Variants in TNR observed in about 807,000 individuals in gnomAD.
TNR encodes the protein tenascin-R.
A neutral mutation model predicts 150.4 loss-of-function variants in TNR; 45 were observed. The ratio of observed to expected loss-of-function variants is 0.30; its 90% CI spans 0.24 to 0.38. The LOEUF (loss-of-function observed/expected upper bound fraction) is 0.38. Ranked by LOEUF, TNR falls within the 10% of genes least tolerant of loss-of-function variation. The pLI is 1.00. For missense variants in TNR, 1,544 were observed against 1,759.1 expected (o/e 0.88, Z 2.19); for synonymous variants, 687 against 678.4 (o/e 1.01, Z -0.20).
chr1:175,623,612 A>G (rs1217933500), intron 1 of TNR, among the ~76,000 whole-genome samples: 1 of 152,236 alleles, frequency 6.6e-6, no homozygotes, highest in Non-Finnish European at 1.5e-5. Context: ...AGGCATTTGT[A>G]TATACTGTTT....
At chr1:175,535,039 T>C (rs1230029976) in intron 1 of TNR, among the ~76,000 whole-genome samples, 1 of 152,166 alleles carries the variant, frequency 6.6e-6, no homozygotes, top group Non-Finnish European at 1.5e-5. Flanking sequence ...GAACTGTGAG[T>C]CAATTAAACC....
intron 1 of TNR, among the ~76,000 whole-genome samples, chr1:175,627,519 G>A (rs1339339395): frequency 6.6e-6 from 1 of 152,144 alleles, no homozygotes; most frequent in East Asian, 1.9e-4. Flanking sequence ...TACTAGTTAT[G>A]TGATTTTGAA....
At chr1:175,552,085 G>T (rs1313774729) in intron 1 of TNR, among the ~76,000 whole-genome samples, 1 of 152,200 alleles carries the variant, frequency 6.6e-6, no homozygotes, top group African/African-American at 2.4e-5. Context: ...AGCCCTCAGG[G>T]TTGAGGAGGA....
intron 2 of TNR, among the ~76,000 whole-genome samples, chr1:175,413,318 G>A (rs1017606637): frequency 6.6e-6 from 1 of 152,224 alleles, no homozygotes; most frequent in Non-Finnish European, 1.5e-5. Context: ...GAGCCACCGC[G>A]CTCAGCCTCT....
At chr1:175,622,458 C>A (rs1664010034) in intron 1 of TNR, among the ~76,000 whole-genome samples, 1 of 152,230 alleles carries the variant, frequency 6.6e-6, no homozygotes, top group South Asian at 2.1e-4. Context: ...CCCACACTAA[C>A]CTCTATCTAA....
Position 175,323,267 on chromosome 1 carries a change from A to C in TNR, c.*90T>G. ...TCACATACTCTTAATATGTTGCAAA[A>C]CACATTGCTATTACCCTCCCCCCTT... is the stretch of plus-strand genomic sequence containing the variant. On this transcript the variant is annotated 3_prime_UTR_variant, in exon 23 of 23. Transcript: ENST00000367674. The C allele has an allele frequency of 6.5e-7, 1 of 1,533,914 alleles. No individual in the cohort carries two copies. The highest frequency in any genetic ancestry group is 8.9e-7 in the Non-Finnish European group (1 of 1,126,322).
chr1:175,577,693 G>A (rs531087307), intron 1 of TNR, among the ~76,000 whole-genome samples: 71 of 152,206 alleles, frequency 4.7e-4, no homozygotes, highest in African/African-American at 1.6e-3. Context: ...TCTGTGGAGG[G>A]CCACGCTAAC....
At chr1:175,429,430 T>G (rs1018711919) in intron 2 of TNR, among the ~76,000 whole-genome samples, 1 of 152,222 alleles carries the variant, frequency 6.6e-6, no homozygotes, top group East Asian at 1.9e-4. Flanking sequence ...CAATAGTTGC[T>G]CTCTTGTTTC....
chr1:175,573,288 T>A (rs1012971029), intron 1 of TNR, among the ~76,000 whole-genome samples: 2 of 152,232 alleles, frequency 1.3e-5, no homozygotes, highest in Non-Finnish European at 2.9e-5. Context: ...ATTCTGCCCT[T>A]GCTAGGGTTG....
At chr1:175,379,868 C>T in intron 8 of TNR, 131 bp from the exon 9 acceptor site, 1 of 1,034,496 alleles carries the variant, frequency 9.7e-7, no homozygotes, top group Non-Finnish European at 1.4e-6. Flanking sequence ...TTTGAATGAA[C>T]ACTGTGGCTA....
chr1:175,680,139 G>A (rs951127939), intron 1 of TNR, among the ~76,000 whole-genome samples: 10 of 152,210 alleles, frequency 6.6e-5, no homozygotes, highest in African/African-American at 2.4e-4. Flanking sequence ...TATAAATAAA[G>A]CAAAGAAGTC....
At chr1:175,378,765 G>A (rs140628989) in intron 9 of TNR, among the ~76,000 whole-genome samples, 27 of 152,362 alleles carry the variant, frequency 1.8e-4, no homozygotes, top group African/African-American at 6.3e-4. Flanking sequence ...CCTGGAGAGG[G>A]CAGGGGAAAC....
At chr1:175,424,269 C>A (rs1279752530) in intron 2 of TNR, among the ~76,000 whole-genome samples, 1 of 152,192 alleles carries the variant, frequency 6.6e-6, no homozygotes, top group African/African-American at 2.4e-5. Flanking sequence ...AGGTTGACTT[C>A]AGTCTGCATT....
chr1:175,505,851 G>A (rs972265361), intron 2 of TNR, among the ~76,000 whole-genome samples: 2 of 152,072 alleles, frequency 1.3e-5, no homozygotes, highest in African/African-American at 4.8e-5. Flanking sequence ...GACCAGTGTG[G>A]CCAACATGGC....
chr1:175,540,879 T>A (rs535982647), intron 1 of TNR, among the ~76,000 whole-genome samples: 1 of 152,164 alleles, frequency 6.6e-6, no homozygotes, highest in Non-Finnish European at 1.5e-5. Context: ...AGTTATTTCT[T>A]CTTAAACCTC....
chr1:175,340,321 T>C (rs1207612204), intron 18 of TNR, among the ~76,000 whole-genome samples: 1 of 152,146 alleles, frequency 6.6e-6, no homozygotes. Flanking sequence ...CATTTGGTTG[T>C]TTATAGATTC....
intron 1 of TNR, among the ~76,000 whole-genome samples, chr1:175,691,231 T>C (rs1172957510): frequency 1.2e-5 from 1 of 85,034 alleles, no homozygotes; most frequent in Non-Finnish European, 2.5e-5. Context: ...AGGCCACAGG[T>C]AGGAAGAAAA....
intron 2 of TNR, among the ~76,000 whole-genome samples, chr1:175,458,350 T>C (rs1401825153): frequency 6.6e-6 from 1 of 152,222 alleles, no homozygotes; most frequent in Non-Finnish European, 1.5e-5. Context: ...TCAATATATA[T>C]ATTTGTTCAA....
At chr1:175,517,788 G>T (rs1659473455) in intron 2 of TNR, among the ~76,000 whole-genome samples, 1 of 152,130 alleles carries the variant, frequency 6.6e-6, no homozygotes, top group Non-Finnish European at 1.5e-5. Context: ...CCCTTTATTT[G>T]CTGTGCGTCT....
Sources: allele counts gnomAD v4.1 joint callset (sites outside exome capture counted in the v4.1 genomes callset), GRCh38; gene constraint gnomAD v4.1.1; transcripts MANE v1.5; gene names NCBI Gene and HGNC (gene_info 2026-07-23, HGNC 2026-07-21).